Variants in CLPX observed in about 807,000 individuals in gnomAD.
The protein encoded by CLPX is ATP-dependent clpX-like chaperone, mitochondrial.
CLPX carries 34 observed loss-of-function variants against 76.4 expected under a neutral mutation model. The ratio of observed to expected loss-of-function variants is 0.45; its 90% CI spans 0.34 to 0.59. The LOEUF is 0.59. CLPX is among the 20% of genes least tolerant of loss of function. The pLI is 0.01. For missense variants in CLPX, 613 were observed against 757.0 expected, an observed-to-expected ratio of 0.81 and a Z score of 2.23; for synonymous variants, 248 against 270.9, an observed-to-expected ratio of 0.92 and a Z score of 0.83.
intron 1 of CLPX, among the ~76,000 whole-genome samples, chr15:65,181,121 C>T (rs2088163557): frequency 1.3e-5 from 2 of 151,830 alleles, no homozygotes; most frequent in Admixed American, 6.6e-5. Flanking sequence ...ATTGCTTGAA[C>T]CCAGGAGGCA....
At chr15:65,173,610 G>A (rs1046814641) in intron 3 of CLPX, among the ~76,000 whole-genome samples, 1 of 152,262 alleles carries the variant, frequency 6.6e-6, no homozygotes, top group East Asian at 1.9e-4. Flanking sequence ...GTTCACGGGA[G>A]CATTATTCAG....
chr15:65,155,602 G>T, intron 10 of CLPX, 90 bp downstream of exon 10: 1 of 1,088,952 alleles, frequency 9.2e-7, no homozygotes, highest in Non-Finnish European at 1.4e-6. Context: ...TTAAAACTAT[G>T]ACTGGTAGCC....
chr15:65,171,590 G>A (rs1341194635), intron 3 of CLPX, among the ~76,000 whole-genome samples: 1 of 152,192 alleles, frequency 6.6e-6, no homozygotes, highest in Non-Finnish European at 1.5e-5. Flanking sequence ...ACTAACACAA[G>A]CCTAAGTAAA....
At chr15:65,153,477 AC>A in intron 12 of CLPX, 69 bp downstream of exon 12, 1 of 951,314 alleles carries the variant, frequency 1.1e-6, no homozygotes, top group Non-Finnish European at 1.6e-6. Flanking sequence ...CAAAAGAAAA[AC>A]AGGGAAGCTT....
Position 65,157,860 on chromosome 15 carries a change from C to T in CLPX, c.943G>A (p.Ala315Thr), listed in dbSNP as rs1310241318. 5.6e-6 allele frequency: 9 copies of T among 1,612,044 alleles called. No individual in the cohort carries two copies. Among genetic ancestry groups the T allele is most frequent in the Non-Finnish European group, 7.6e-6 (9 of 1,179,122 alleles). Residue 315 changes from alanine (A) to threonine (T), a missense_variant, in exon 8 of 14, where the codon GCT becomes ACT. By Grantham distance (58) the Ala-to-Thr change is moderately conservative (BLOSUM62 0). This residue lies in a region of CLPX where 450 missense variants were observed against 638.6 expected (regional missense o/e 0.70). Transcript: ENST00000300107. Reference sequence around the variant, plus strand: ...GTCAAAGTTGTACAGTCACAGATAGCAAAAGGGACATCAAGGCATTTAGCT... The same window carrying T: ...GTCAAAGTTGTACAGTCACAGATAGTAAAAGGGACATCAAGGCATTTAGCT... ...TLAKCLDVPFAICDCTTLTQA... is the reference protein window; with the variant it reads ...TLAKCLDVPFTICDCTTLTQA...
At position 65,154,492 on chromosome 15, in the gene CLPX, C is replaced by A. The variant is rs528636294; in HGVS notation, c.1611+290G>T. 2.3e-3 allele frequency among the ~76,000 whole-genome samples: 356 copies of A among 152,254 alleles called. 2 individuals are homozygous for A. The highest frequency in any genetic ancestry group is 4.4e-3 in the African/African-American group (184 of 41,532). ...AACAAAAGCATTTAGAATACCAAGA[C>A]TGAAAGGACAATCCTGTATGTCTGG... On this transcript the variant is annotated intron_variant, in intron 11 of 13. Coordinates refer to ENST00000300107, the MANE Select transcript of CLPX (RefSeq NM_006660.5).
At chr15:65,183,612 C>G (rs778621595) in intron 1 of CLPX, among the ~76,000 whole-genome samples, 1 of 151,760 alleles carries the variant, frequency 6.6e-6, no homozygotes, top group South Asian at 2.1e-4. Flanking sequence ...AGAAAACAGT[C>G]GTTTTGAAAA....
Position 65,155,008 on chromosome 15 carries a change from C to T in CLPX, c.1385G>A (p.Arg462Gln), listed in dbSNP as rs140689028. 5 of 1,614,002 alleles carry T rather than the reference C, an allele frequency of 3.1e-6. No individual in the cohort carries two copies. Among genetic ancestry groups the T allele is most frequent in the South Asian group, 1.1e-5 (1 of 91,090 alleles). ...RAAAAADLAN[R>Q]SGESNTHQDI... The stretch of plus-strand genomic sequence containing the variant: ...TTGGTGAGTATTCGATTCCCCACTT[C>T]GATTAGCAAGGTCTGCAGCAGCTGC... The change falls in exon 11 of 14, where the codon CGA (arginine) becomes CAA (glutamine). Residue 462 changes from arginine (R) to glutamine (Q), a missense_variant. Arg to Gln is a conservative substitution (Grantham distance 43). Transcript: ENST00000300107.
chr15:65,158,773 T>C, intron 6 of CLPX, 22 bp from the exon 7 acceptor site: 1 of 1,533,118 alleles, frequency 6.5e-7, no homozygotes. Flanking sequence ...GCCAAAGGAA[T>C]TACTTGAGCT....
At chr15:65,160,624 C>CACACACAT (rs1555412765) in intron 6 of CLPX, among the ~76,000 whole-genome samples, 63 of 41,098 alleles carry the variant, frequency 1.5e-3, no homozygotes, top group African/African-American at 7.4e-3. Flanking sequence ...CTCTCTCTCT[C>CACACACAT]ACACACACAC....
rs1015935294 is a variant in CLPX, at chr15:65,168,492, G to A, written c.359-1707C>T. Among the ~76,000 whole-genome samples the A allele has an allele frequency of 6.3e-5, 9 of 142,384 alleles. No individual in the cohort carries two copies. The East Asian group carries it at 6.7e-4, about 11-fold the overall frequency. The allele number at this position is 142,384 out of a possible 152,430, so 93.4% of individuals were successfully genotyped here. ...AAACCATCATTCTGAGCAAACTATCGCAAGGACAGAAAACCAAACACCGCA... is the reference window on the plus strand; with the variant it reads ...AAACCATCATTCTGAGCAAACTATCACAAGGACAGAAAACCAAACACCGCA... On this transcript the variant is annotated intron_variant, in intron 3 of 13. Transcript: ENST00000300107.
intron 4 of CLPX, among the ~76,000 whole-genome samples, chr15:65,166,110 A>G (rs1006576438): frequency 6.6e-6 from 1 of 152,192 alleles, no homozygotes; most frequent in Non-Finnish European, 1.5e-5. Context: ...TGAGACTTCT[A>G]AAGAGTCCAC....
At chr15:65,182,489 AAGTATGGAC>A (rs1279029622) in intron 1 of CLPX, among the ~76,000 whole-genome samples, 1 of 152,232 alleles carries the variant, frequency 6.6e-6, no homozygotes, top group Non-Finnish European at 1.5e-5. Flanking sequence ...AAGTAGCAAA[AAGTATGGAC>A]AATATTCTGA....
At chr15:65,165,359 T>C (rs2087896955) in intron 4 of CLPX, among the ~76,000 whole-genome samples, 1 of 150,134 alleles carries the variant, frequency 6.7e-6, no homozygotes, top group African/African-American at 2.4e-5. Context: ...CTCCTGAAAT[T>C]AGTTAAACTG....
At chr15:65,157,048 A>G in intron 8 of CLPX, 116 bp from the exon 9 acceptor site, 2 of 620,482 alleles carry the variant, frequency 3.2e-6, no homozygotes, top group Non-Finnish European at 5.6e-6. Context: ...CATACTTAAC[A>G]TATCCAATAG....
At chr15:65,154,671 A>G (rs2087764664) in intron 11 of CLPX, 111 bp downstream of exon 11, 1 of 730,868 alleles carries the variant, frequency 1.4e-6, no homozygotes, top group Non-Finnish European at 2.2e-6. Context: ...AGTAAGGAAT[A>G]GGCTGGTATT....
At position 65,185,199 on chromosome 15, in the gene CLPX, G is replaced by A. The variant is rs760078216; in HGVS notation, c.-46C>T. On this transcript the variant is annotated 5_prime_UTR_variant, in exon 1 of 14. Coordinates refer to ENST00000300107, the MANE Select transcript of CLPX (RefSeq NM_006660.5). ...GGCTTCGCCCCCTGAGGACCTCCGG[G>A]TCACAGCGGCGTGAATCCTGCCCGC... 12 of 1,487,858 alleles carry A rather than the reference G, an allele frequency of 8.1e-6. No individual in the cohort carries two copies. In the Admixed American group the frequency reaches 9.9e-5, roughly 12 times the overall value. 92.2% of individuals were successfully genotyped at this position (1,487,858 alleles called of 1,614,324 possible).
At chr15:65,158,345 TTTTTA>T (rs2087815444) in intron 7 of CLPX, 3 of 437,648 alleles carry the variant, frequency 6.9e-6, no homozygotes, top group Non-Finnish European at 8.0e-6. Context: ...ATATAGCTGT[TTTTTA>T]TTTTATTATT....
intron 11 of CLPX, 117 bp from the exon 12 acceptor site, chr15:65,153,756 GC>G (rs1320972683): frequency 3.5e-6 from 2 of 572,486 alleles, no homozygotes; most frequent in Non-Finnish European, 6.0e-6. Flanking sequence ...CCTTCAAGAA[GC>G]ACTTGTTTCT....
Sources: gnomAD v4.1 joint callset for allele counts (sites outside exome capture counted in the v4.1 genomes callset) on GRCh38, gnomAD v4.1.1 for gene constraint, gnomAD v4.1.1 regional missense constraint, MANE v1.5 for transcripts, NCBI Gene and HGNC (gene_info 2026-07-23, HGNC 2026-07-21) for gene names.